ADGRG5: variants seen among roughly 807,000 people sequenced by gnomAD.
ADGRG5 encodes G protein-coupled receptor 114.
A neutral mutation model predicts 53.2 loss-of-function variants in ADGRG5; 37 were observed. The observed-to-expected ratio is 0.70, with a 90% confidence interval of 0.53 to 0.91. ADGRG5 has a LOEUF of 0.91. Ranked by LOEUF, ADGRG5 falls within the 40% of genes least tolerant of loss-of-function variation. The pLI is 0.00. For missense variants in ADGRG5, 614 were observed against 675.8 expected (o/e 0.91, Z 1.01); for synonymous variants, 277 against 290.4 (o/e 0.95, Z 0.47).
At chr16:57,540,683 G>A (rs889937203), upstream of ADGRG5, among the ~76,000 whole-genome samples, 5 of 152,182 alleles carry the variant, frequency 3.3e-5, no homozygotes, top group African/African-American at 1.2e-4. Flanking sequence ...AGCTGGGACC[G>A]AGCAGGGAGG....
intron 1 of ADGRG5, among the ~76,000 whole-genome samples, chr16:57,561,425 T>C (rs1201001046): frequency 2.0e-5 from 3 of 152,196 alleles, no homozygotes; most frequent in African/African-American, 7.2e-5. Flanking sequence ...ATTTACTCTC[T>C]CATTTTGTTG....
intron 1 of ADGRG5, among the ~76,000 whole-genome samples, chr16:57,545,556 A>G (rs546278878): frequency 4.1e-4 from 63 of 152,324 alleles, no homozygotes; most frequent in African/African-American, 1.5e-3. Context: ...AGTTGATACA[A>G]AAGTGCCCCA....
At chr16:57,537,075 G>T in the ADGRG5 span, among the ~76,000 whole-genome samples, 1 of 152,222 alleles carries the variant, frequency 6.6e-6, no homozygotes, top group African/African-American at 2.4e-5. Context: ...AAGCAACCTT[G>T]CGCTTGTTAA....
chr16:57,539,291 A>G (rs2032455338), upstream of ADGRG5, among the ~76,000 whole-genome samples: 1 of 152,170 alleles, frequency 6.6e-6, no homozygotes, highest in Non-Finnish European at 1.5e-5. Context: ...AAGAGACAGA[A>G]AATAGAACGG....
At chr16:57,537,222 T>C in the ADGRG5 span, among the ~76,000 whole-genome samples, 11 of 152,104 alleles carry the variant, frequency 7.2e-5, no homozygotes, top group East Asian at 1.2e-3. Flanking sequence ...TTTCTCTCTA[T>C]TGGGGGTAGG....
At chr16:57,529,272 ACG>A in the ADGRG5 span, 1 of 1,117,578 alleles carries the variant, frequency 8.9e-7, no homozygotes, top group Non-Finnish European at 1.1e-6. The surrounding 1 kb of genome is among the most constrained non-coding windows in gnomAD (Gnocchi z 4.1). Flanking sequence ...GTGCATGATG[ACG>A]CCGTGCCCCG....
At chr16:57,536,125 C>T in the ADGRG5 span, among the ~76,000 whole-genome samples, 2 of 152,100 alleles carry the variant, frequency 1.3e-5, no homozygotes, top group Non-Finnish European at 2.9e-5. Context: ...CTCTGATTGG[C>T]CAGCGCCGCC....
chr16:57,567,775 C>T (rs1252604157), intron 8 of ADGRG5, 81 bp from the exon 9 acceptor site: 19 of 1,494,894 alleles, frequency 1.3e-5, no homozygotes, highest in African/African-American at 9.6e-5. Context: ...GTTTCCCTGT[C>T]GGCATGCACC....
chr16:57,554,001 T>C (rs1461192038), intron 1 of ADGRG5, among the ~76,000 whole-genome samples: 1 of 152,246 alleles, frequency 6.6e-6, no homozygotes, highest in Non-Finnish European at 1.5e-5. Flanking sequence ...GCCTAGTGTT[T>C]CTTTGTGGGA....
chr16:57,557,512 A>G (rs1273694967), intron 1 of ADGRG5, among the ~76,000 whole-genome samples: 7 of 152,004 alleles, frequency 4.6e-5, no homozygotes, highest in Non-Finnish European at 8.8e-5. Flanking sequence ...TTAATTTTGG[A>G]AAAAAATTGG....
chr16:57,566,879 A>G, intron 7 of ADGRG5, 128 bp downstream of exon 7: 1 of 833,940 alleles, frequency 1.2e-6, no homozygotes, highest in Non-Finnish European at 1.7e-6. Flanking sequence ...AAAACAAAAA[A>G]AACTTTATGG....
At chr16:57,537,751 T>G (rs776526871), upstream of ADGRG5, among the ~76,000 whole-genome samples, 9 of 152,170 alleles carry the variant, frequency 5.9e-5, no homozygotes, top group Non-Finnish European at 1.2e-4. Context: ...TCCACCAACT[T>G]CATGAAATCC....
Position 57,542,654 on chromosome 16 carries a change from AAGACAGCAGCCG to A in ADGRG5, c.-75_-64del, listed in dbSNP as rs1228839612. On this transcript the variant is annotated 5_prime_UTR_variant, in exon 1 of 12. Transcript: ENST00000349457. Reference sequence around the variant, plus strand: ...TTCCCCTTCTTCCTGCAGAAGCTACAAGACAGCAGCCGAGACAGCAGCTGAGACGGCAGCGGC... The same window carrying A: ...TTCCCCTTCTTCCTGCAGAAGCTACAAGACAGCAGCTGAGACGGCAGCGGC... 1.6e-5 allele frequency: 1 copy of A among 63,280 alleles called. No individual in the cohort carries two copies. The highest frequency in any genetic ancestry group is 3.1e-5 in the Non-Finnish European group (1 of 32,564). 3.9% of individuals were successfully genotyped at this position (63,280 alleles called of 1,614,324 possible).
chr16:57,539,894 T>G (rs2032465106), upstream of ADGRG5, among the ~76,000 whole-genome samples: 2 of 151,954 alleles, frequency 1.3e-5, no homozygotes, highest in African/African-American at 4.8e-5. Flanking sequence ...AATAAAAGAT[T>G]GAAAAATGGG....
intron 4 of ADGRG5, 145 bp from the exon 5 acceptor site, chr16:57,563,703 T>G: frequency 1.0e-6 from 1 of 1,003,854 alleles, no homozygotes; most frequent in Non-Finnish European, 1.5e-6. Flanking sequence ...CTTGGGAAGT[T>G]TGGGAGGAGA....
rs756098110 is a variant in ADGRG5, at chr16:57,567,452, C to T, written c.700-18C>T. On this transcript the variant is annotated intron_variant, in intron 7 of 11. Transcript: ENST00000349457. The stretch of plus-strand genomic sequence containing the variant: ...CGATACTATGCTTCTGGCCTCCAGC[C>T]CCTCTTCCCTCCTGCAGCAACTCTC... 2.5e-6 allele frequency: 4 copies of T among 1,604,616 alleles called. No individual in the cohort carries two copies. Among genetic ancestry groups the T allele is most frequent in the East Asian group, 4.5e-5 (2 of 44,868 alleles).
At chr16:57,531,968 C>T in the ADGRG5 span, among the ~76,000 whole-genome samples, 2 of 152,292 alleles carry the variant, frequency 1.3e-5, no homozygotes, top group East Asian at 1.9e-4. Context: ...TCAGCGACCC[C>T]GCTGCATTTC....
chr16:57,572,124 T>A (rs537662581), intron 10 of ADGRG5, among the ~76,000 whole-genome samples: 7 of 151,590 alleles, frequency 4.6e-5, no homozygotes, highest in Non-Finnish European at 7.4e-5. Flanking sequence ...TTTTTTTTTT[T>A]AATTTAAAAC....
rs1342692059 is a variant in ADGRG5, at chr16:57,571,153, G to A, written c.1208+618G>A. Among the ~76,000 whole-genome samples the A allele has an allele frequency of 3.9e-5, 6 of 152,208 alleles. 1 individual carries two copies. Among genetic ancestry groups the A allele is most frequent in the East Asian group, 3.9e-4 (2 of 5,168 alleles). On this transcript the variant is annotated intron_variant, in intron 10 of 11. Transcript: ENST00000349457. The stretch of plus-strand genomic sequence containing the variant: ...ACATAGACTAGCCTAAGGAACCCCC[G>A]CGCGCCCATCACTCACTTGCAGTTG...
Sources: allele counts gnomAD v4.1 joint callset (sites outside exome capture counted in the v4.1 genomes callset), GRCh38; gene constraint gnomAD v4.1.1; non-coding constraint Gnocchi (gnomAD v3.1); transcripts MANE v1.5; gene names NCBI Gene and HGNC (gene_info 2026-07-23, HGNC 2026-07-21).